ATAD3C: variants seen among roughly 807,000 people sequenced by gnomAD.
ATAD3C encodes the protein ATPase family AAA domain containing 3C, also known as ATPase family AAA domain-containing protein 3C.
ATAD3C carries 38 observed loss-of-function variants against 46.3 expected under a neutral mutation model. That is an observed-to-expected ratio of 0.82 (90% CI 0.63 to 1.08). The LOEUF (loss-of-function observed/expected upper bound fraction) is 1.08, where lower values mean the gene tolerates loss of function less well. ATAD3C is among the 50% of genes least tolerant of loss of function. ATAD3C has a pLI of 0.00. For missense variants in ATAD3C, 563 were observed against 572.7 expected (o/e 0.98, Z 0.17); for synonymous variants, 220 against 236.4 (o/e 0.93, Z 0.63).
rs1303266602 is a variant in ATAD3C at position 1,455,497 on chromosome 1, T to C, written c.416T>C (p.Val139Ala). The C allele has an allele frequency of 4.3e-6, 7 of 1,612,338 alleles. No individual in the cohort carries two copies. Among genetic ancestry groups the C allele is most frequent in the African/African-American group, 1.3e-5 (1 of 74,796 alleles). The change falls in exon 5 of 12, where the codon GTG becomes GCG. Residue 139 changes from valine (V) to alanine (A), a missense_variant. Around this residue, in one of 3 missense-constraint regions of ATAD3C, gnomAD observed 263 missense variants for 243.1 expected, o/e 1.08. Coordinates refer to ENST00000378785, the MANE Select transcript of ATAD3C (RefSeq NM_001039211.3). ...SRRLLSRPQDVLEGVVLSPSL... is the reference protein window; with the variant it reads ...SRRLLSRPQDALEGVVLSPSL... ...CGGCTCCTCAGTCGACCCCAGGACG[T>C]GCTGGAGGGTGTTGTGCTTAGTGTA...
At chr1:1,461,014 A>T (rs1373202245) in intron 10 of ATAD3C, 97 bp downstream of exon 10, 77 of 1,400,992 alleles carry the variant, frequency 5.5e-5, no homozygotes, top group Non-Finnish European at 7.2e-5. Context: ...CCCTGTCTCC[A>T]GGATGGGCAC....
chr1:1,451,753 C>G (rs1250052276), intron 1 of ATAD3C, among the ~76,000 whole-genome samples: 1 of 152,056 alleles, frequency 6.6e-6, no homozygotes, highest in Non-Finnish European at 1.5e-5. Flanking sequence ...TTAAGCCCAG[C>G]CTGAATCAGG....
Position 1,464,984 on chromosome 1 carries a change from A to C in ATAD3C, c.1089+2276A>C, listed in dbSNP as rs566905567. On this transcript the variant is annotated intron_variant, in intron 11 of 11. Coordinates refer to ENST00000378785, the MANE Select transcript of ATAD3C (RefSeq NM_001039211.3). Reference sequence around the variant, plus strand: ...CACTGCAACCTCCGCCTCCCGGGTTAAAGTGATTCTCCTGACTCAGCCTCC... The same window carrying C: ...CACTGCAACCTCCGCCTCCCGGGTTCAAGTGATTCTCCTGACTCAGCCTCC... Among the ~76,000 whole-genome samples the C allele has an allele frequency of 5.0e-3, 753 of 151,510 alleles. 11 individuals are homozygous for C. Among genetic ancestry groups the C allele is most frequent in the African/African-American group, 0.017 (699 of 41,364 alleles).
rs192038079 is a variant in ATAD3C, at chr1:1,461,689, G to A, written c.980+772G>A. On this transcript the variant is annotated intron_variant, in intron 10 of 11. Transcript: ENST00000378785. ...CTCATGAGACCCCCATGTAGGGACT[G>A]GAGGGAGAGGCTCCTCATGAGACCC... Among the ~76,000 whole-genome samples the A allele has an allele frequency of 4.7e-4, 69 of 146,854 alleles. 1 individual carries two copies. Among genetic ancestry groups the A allele is most frequent in the African/African-American group, 1.7e-3 (66 of 39,408 alleles).
intron 5 of ATAD3C, 37 bp from the exon 6 acceptor site, chr1:1,455,754 C>T (rs1473095667): frequency 1.1e-5 from 18 of 1,611,574 alleles, no homozygotes; most frequent in Non-Finnish European, 1.4e-5. Context: ...TCTGTGGGTG[C>T]AGACTGTGTC....
intron 1 of ATAD3C, among the ~76,000 whole-genome samples, chr1:1,451,144 C>T (rs1374185177): frequency 5.9e-5 from 9 of 151,370 alleles, no homozygotes; most frequent in Admixed American, 5.3e-4. Context: ...GGGTTCACAC[C>T]ATTCTCCTGC....
In ATAD3C at chr1:1,462,443, C is replaced by A. The variant is rs559972499; in HGVS notation, c.981-157C>A. On this transcript the variant is annotated intron_variant, in intron 10 of 11. Coordinates refer to ENST00000378785, the MANE Select transcript of ATAD3C (RefSeq NM_001039211.3). This position sits in a 1 kb window ranked among gnomAD's most constrained non-coding sequence, Gnocchi z 4.5. ...TCCTGCTCAGCCCAGGCCTGGCTTG[C>A]GTCAGGAAGGGGGCGGAACTTGGCT... 8 of 770,926 alleles carry A rather than the reference C, an allele frequency of 1.0e-5. No individual in the cohort carries two copies. The highest frequency in any genetic ancestry group is 1.7e-5 in the Non-Finnish European group (8 of 470,110). The allele number at this position is 770,926 out of a possible 1,614,324, so 47.8% of individuals were successfully genotyped here.
intron 4 of ATAD3C, 68 bp from the exon 5 acceptor site, chr1:1,455,392 G>T (rs1032375852): frequency 3.2e-6 from 5 of 1,585,538 alleles, no homozygotes; most frequent in Non-Finnish European, 4.3e-6. Flanking sequence ...TACCGAGCTT[G>T]TGTGTGCGTT....
chr1:1,462,371 G>T lies in ATAD3C; in HGVS notation c.981-229G>T. 2.1e-6 allele frequency: 1 copy of T among 476,428 alleles called. No homozygotes were observed. The highest frequency in any genetic ancestry group is 2.0e-5 in the South Asian group (1 of 49,124). 29.5% of individuals were successfully genotyped at this position (476,428 alleles called of 1,614,324 possible). ...TGTGGGTGCTGAGTGGACAGGGCTGGTGTTAGGAAGGGGTGCGGCCATCTC... is the reference window on the plus strand; with the variant it reads ...TGTGGGTGCTGAGTGGACAGGGCTGTTGTTAGGAAGGGGTGCGGCCATCTC... On this transcript the variant is annotated intron_variant, in intron 10 of 11. Coordinates refer to ENST00000378785, the MANE Select transcript of ATAD3C (RefSeq NM_001039211.3). The surrounding 1 kb of genome is among the most constrained non-coding windows in gnomAD (Gnocchi z 4.5).
chr1:1,458,448 C>G (rs1405176514), intron 8 of ATAD3C, among the ~76,000 whole-genome samples: 1 of 146,808 alleles, frequency 6.8e-6, no homozygotes, highest in Non-Finnish European at 1.5e-5. Flanking sequence ...CTCATTTTGT[C>G]TTTTTTTTTT....
At chr1:1,463,796 C>T (rs1044610981) in intron 11 of ATAD3C, among the ~76,000 whole-genome samples, 2 of 151,858 alleles carry the variant, frequency 1.3e-5, no homozygotes, top group Non-Finnish European at 2.9e-5. Context: ...CCTGTGATGC[C>T]AGCTGCTTGG....
At chr1:1,455,669 T>A in intron 5 of ATAD3C, 122 bp from the exon 6 acceptor site, 1 of 1,557,460 alleles carries the variant, frequency 6.4e-7, no homozygotes, top group South Asian at 1.2e-5. Flanking sequence ...ATAGATAGGC[T>A]GCCCACGAGC....
chr1:1,450,368 C>A lies in ATAD3C; in HGVS notation c.-316C>A. 3.3e-6 allele frequency: 1 copy of A among 303,600 alleles called. No individual in the cohort carries two copies. Among genetic ancestry groups the A allele is most frequent in the Non-Finnish European group, 6.3e-6 (1 of 159,496 alleles). 18.8% of individuals were successfully genotyped at this position (303,600 alleles called of 1,614,324 possible). ...CATGTGTAACGTGAAAAAATGGACA[C>A]TTTAGCCATCGCCTGACTTTCTGTT... is the stretch of plus-strand genomic sequence containing the variant. On this transcript the variant is annotated 5_prime_UTR_variant, in exon 1 of 12. Coordinates refer to ENST00000378785, the MANE Select transcript of ATAD3C (RefSeq NM_001039211.3).
chr1:1,461,208 G>A (rs560394284), intron 10 of ATAD3C, among the ~76,000 whole-genome samples: 22 of 151,524 alleles, frequency 1.5e-4, no homozygotes, highest in African/African-American at 5.3e-4. Context: ...TTTTTTTGAG[G>A]CGAAGTCTCG....
intron 8 of ATAD3C, among the ~76,000 whole-genome samples, chr1:1,458,927 G>T (rs1045938110): frequency 6.6e-6 from 1 of 151,644 alleles, no homozygotes; most frequent in Non-Finnish European, 1.5e-5. Context: ...CACCATGTTG[G>T]CCAGGATGGT....
intron 3 of ATAD3C, among the ~76,000 whole-genome samples, chr1:1,453,043 G>A (rs1638890951): frequency 6.6e-6 from 1 of 152,030 alleles, no homozygotes; most frequent in African/African-American, 2.4e-5. Context: ...CCGGCACTGA[G>A]TGGGCACTTG....
chr1:1,462,968 C>T lies in ATAD3C; in HGVS notation c.1089+260C>T, dbSNP rs575761530. Among the ~76,000 whole-genome samples, 6 of 152,200 alleles carry T rather than the reference C, an allele frequency of 3.9e-5. No homozygotes were observed. The highest frequency in any genetic ancestry group is 1.4e-4 in the African/African-American group (6 of 41,562). On this transcript the variant is annotated intron_variant, in intron 11 of 11. Coordinates refer to ENST00000378785, the MANE Select transcript of ATAD3C (RefSeq NM_001039211.3). This position sits in a 1 kb window ranked among gnomAD's most constrained non-coding sequence, Gnocchi z 4.5. ...AAGCCAGTGCGGCCTCCTAGTAGCCCGGGCTCTGCCAGGTGGGGCGGGAGG... is the reference window on the plus strand; with the variant it reads ...AAGCCAGTGCGGCCTCCTAGTAGCCTGGGCTCTGCCAGGTGGGGCGGGAGG...
chr1:1,455,701 G>A, intron 5 of ATAD3C, 90 bp from the exon 6 acceptor site: 2 of 1,581,842 alleles, frequency 1.3e-6, no homozygotes. Context: ...CCGGAGAGCG[G>A]AGTCCACACC....
chr1:1,452,300 C>A lies in ATAD3C; in HGVS notation c.153-65C>A, dbSNP rs180811464. 1.3e-4 allele frequency: 206 copies of A among 1,611,282 alleles called. No homozygotes were observed. The African/African-American group carries it at 2.5e-3, about 19-fold the overall frequency. On this transcript the variant is annotated intron_variant, in intron 2 of 11. Coordinates refer to ENST00000378785, the MANE Select transcript of ATAD3C (RefSeq NM_001039211.3). Reference sequence around the variant, plus strand: ...TGCTGTGTCAAGGCCTCACCCTCAACCTGTTCTTGCTACGTGGCGTGGGTC... The same window carrying A: ...TGCTGTGTCAAGGCCTCACCCTCAAACTGTTCTTGCTACGTGGCGTGGGTC...
Sources: allele counts gnomAD v4.1 joint callset (sites outside exome capture counted in the v4.1 genomes callset), GRCh38; gene constraint gnomAD v4.1.1; regional missense constraint gnomAD v4.1.1; non-coding constraint Gnocchi (gnomAD v3.1); transcripts MANE v1.5; gene names NCBI Gene and HGNC (gene_info 2026-07-23, HGNC 2026-07-21).